Variants in AKAP13 observed in about 807,000 individuals in gnomAD.
The protein encoded by AKAP13 is A-kinase anchor protein 13.
A neutral mutation model predicts 264.5 loss-of-function variants in AKAP13; 80 were observed. The observed-to-expected ratio is 0.30, with a 90% CI of 0.25 to 0.36. The LOEUF (loss-of-function observed/expected upper bound fraction) is 0.36. Ranked by LOEUF, AKAP13 falls within the 10% of genes least tolerant of loss-of-function variation. AKAP13 has a pLI of 1.00. For synonymous variants in AKAP13, 1,380 were observed against 1,250.2 expected (o/e 1.10, Z -2.19); for missense variants, 3,712 against 3,435.2 (o/e 1.08, Z -2.01).
At chr15:85,557,792 A>C (rs1194084940) in intron 5 of AKAP13, among the ~76,000 whole-genome samples, 2 of 152,212 alleles carry the variant, frequency 1.3e-5, no homozygotes, top group African/African-American at 4.8e-5. Context: ...CCTCTTTAGA[A>C]CATGACTGTT....
chr15:85,603,303 G>A (rs984117759), intron 8 of AKAP13, among the ~76,000 whole-genome samples: 2 of 152,230 alleles, frequency 1.3e-5, no homozygotes, highest in African/African-American at 4.8e-5. Context: ...TGTACTCAGA[G>A]TATGGCAGTG....
rs1484551796 is a variant in AKAP13 at position 85,748,229 on chromosome 15, G to A, written c.*3552G>A. ...GAGGACAGCCAGGCAGGCCCTGGGA[G>A]GGAGTTTAGAAAGACAGTCCTGGTG... On this transcript the variant is annotated 3_prime_UTR_variant, in exon 37 of 37. Coordinates refer to ENST00000394518, the MANE Select transcript of AKAP13 (RefSeq NM_007200.5). 6.6e-6 allele frequency: 1 copy of A among 152,308 alleles called. No homozygotes were observed. Among genetic ancestry groups the A allele is most frequent in the Non-Finnish European group, 1.5e-5 (1 of 68,122 alleles). The allele number at this position is 152,308 out of a possible 1,614,324, so 9.4% of individuals were successfully genotyped here.
chr15:85,698,482 AGG>A (rs1223313006), intron 17 of AKAP13, among the ~76,000 whole-genome samples: 7 of 149,524 alleles, frequency 4.7e-5, no homozygotes, highest in East Asian at 2.0e-4. Context: ...AAAAAAAAAA[AGG>A]AGAGAGAGAA....
At chr15:85,447,635 T>TAG (rs1227744835) in intron 1 of AKAP13, among the ~76,000 whole-genome samples, 1 of 152,210 alleles carries the variant, frequency 6.6e-6, no homozygotes, top group Non-Finnish European at 1.5e-5. Flanking sequence ...GATTTTCTGT[T>TAG]CTTGTGTTAA....
At chr15:85,539,625 A>G (rs1214647704) in intron 4 of AKAP13, among the ~76,000 whole-genome samples, 1 of 152,206 alleles carries the variant, frequency 6.6e-6, no homozygotes, top group Non-Finnish European at 1.5e-5. Flanking sequence ...CAGGCTCATC[A>G]TGCTTGAATG....
At chr15:85,575,010 A>AT in intron 5 of AKAP13, 121 bp from the exon 6 acceptor site, 1 of 832,314 alleles carries the variant, frequency 1.2e-6, no homozygotes, top group Non-Finnish European at 1.9e-6. Context: ...TATATATACT[A>AT]ATTTTTGCTG....
chr15:85,662,981 T>C (rs1000326705), intron 12 of AKAP13, among the ~76,000 whole-genome samples: 6 of 152,202 alleles, frequency 3.9e-5, no homozygotes, highest in Admixed American at 3.3e-4. Flanking sequence ...AATTTCTTCT[T>C]CACTTAGCCC....
chr15:85,391,930 A>G (rs796471144), intron 1 of AKAP13, among the ~76,000 whole-genome samples: 24 of 151,144 alleles, frequency 1.6e-4, no homozygotes, highest in African/African-American at 5.3e-4. Flanking sequence ...GACTGTAGGC[A>G]TGTGCCACCA....
In AKAP13 at chr15:85,743,713, G is replaced by C. The variant is rs2089225367; in HGVS notation, c.8280G>C (p.Gln2760His). ...AGACAAACAAAGGACCAGAAGGGCA[G>C]AGCCAGGCCCCTGCGTCCACCTCTG... is the stretch of plus-strand genomic sequence containing the variant. ...TSQTNKGPEG[Q>H]SQAPASTSAS... is the part of the protein sequence containing the mutation. The change falls in exon 36 of 37, where the codon CAG (glutamine) becomes CAC (histidine). Residue 2760 changes from glutamine to histidine, a missense_variant. Gln to His is a conservative substitution (Grantham distance 24, BLOSUM62 0). This residue lies in a region of AKAP13 where 611 missense variants were observed against 539.3 expected (regional missense o/e 1.13). Transcript: ENST00000394518. 6.2e-7 allele frequency: 1 copy of C among 1,614,042 alleles called. No individual in the cohort carries two copies. Among genetic ancestry groups the C allele is most frequent in the South Asian group, 1.1e-5 (1 of 91,082 alleles).
chr15:85,617,509 G>C (rs1412870066), intron 8 of AKAP13, among the ~76,000 whole-genome samples: 1 of 152,118 alleles, frequency 6.6e-6, no homozygotes, highest in African/African-American at 2.4e-5. Context: ...CAAAGTGTTG[G>C]GATTACAGGC....
chr15:85,728,841 A>AT (rs201984026), intron 29 of AKAP13, among the ~76,000 whole-genome samples: 1 of 151,532 alleles, frequency 6.6e-6, no homozygotes, highest in African/African-American at 2.4e-5. Context: ...GACTCATGTA[A>AT]TTAAAAAAAA....
At position 85,717,255 on chromosome 15, in the gene AKAP13, G is replaced by A. The variant is rs375618100; in HGVS notation, c.5736-35G>A. ...AATGCAAGCCATAGGTTATCAGAAT[G>A]TATTTGACAGTATGTATTTTTCTTT... On this transcript the variant is annotated intron_variant, in intron 20 of 36. Transcript: ENST00000394518. The A allele has an allele frequency of 4.6e-5, 63 of 1,360,896 alleles. 1 individual carries two copies. In the African/African-American group the frequency reaches 7.7e-4, roughly 17 times the overall value. 84.3% of individuals were successfully genotyped at this position (1,360,896 alleles called of 1,614,324 possible). A position where few individuals can be genotyped will look rare whatever the true frequency, so the allele number is the denominator to read the frequency against.
At chr15:85,606,533 G>A (rs1371563782) in intron 8 of AKAP13, among the ~76,000 whole-genome samples, 3 of 152,180 alleles carry the variant, frequency 2.0e-5, no homozygotes, top group African/African-American at 7.2e-5. Context: ...CTTGTTCCAC[G>A]AGACTTGTAC....
intron 5 of AKAP13, among the ~76,000 whole-genome samples, chr15:85,572,251 T>G (rs1353154740): frequency 6.6e-6 from 1 of 152,188 alleles, no homozygotes; most frequent in Non-Finnish European, 1.5e-5. Context: ...TTTTCAGAGA[T>G]CTTTTTTGTT....
intron 1 of AKAP13, among the ~76,000 whole-genome samples, chr15:85,431,234 T>C (rs932235132): frequency 5.9e-5 from 9 of 152,198 alleles, no homozygotes; most frequent in Non-Finnish European, 1.3e-4. Context: ...TTGCTATAAA[T>C]TGAGGAACAA....
Position 85,740,218 on chromosome 15 carries a change from G to A in AKAP13, c.7558-4G>A. ...CGAATGTTTCCATTTTGTTCCTTTG[G>A]CAGCAGGTTGTCCAGAGCGTTGTTC... On this transcript the variant is annotated splice_region_variant and splice_polypyrimidine_tract_variant and intron_variant, in intron 33 of 36. Transcript: ENST00000394518. 6.2e-7 allele frequency: 1 copy of A among 1,614,082 alleles called. No homozygotes were observed. The highest frequency in any genetic ancestry group is 8.5e-7 in the Non-Finnish European group (1 of 1,179,972).
In AKAP13 at chr15:85,746,973, T is replaced by C. The variant is rs1040574377; in HGVS notation, c.*2296T>C. ...ACGTCGCCACAGAGCTTGACATCAA[T>C]GTTAGAGGGTCTCTTACTCCCCGCC... On this transcript the variant is annotated 3_prime_UTR_variant, in exon 37 of 37. Transcript: ENST00000394518. 6.6e-6 allele frequency: 1 copy of C among 152,242 alleles called. No homozygotes were observed. Among genetic ancestry groups the C allele is most frequent in the Non-Finnish European group, 1.5e-5 (1 of 68,036 alleles). 9.4% of individuals were successfully genotyped at this position (152,242 alleles called of 1,614,324 possible).
chr15:85,450,877 G>T (rs903546244), intron 1 of AKAP13, among the ~76,000 whole-genome samples: 1 of 152,136 alleles, frequency 6.6e-6, no homozygotes, highest in Non-Finnish European at 1.5e-5. Context: ...AGATCCATTT[G>T]GTTCAACGCT....
chr15:85,629,089 C>CA (rs1279490393), intron 8 of AKAP13, among the ~76,000 whole-genome samples: 1 of 152,012 alleles, frequency 6.6e-6, no homozygotes, highest in East Asian at 1.9e-4. Context: ...CCTAGCTACC[C>CA]AGGAGGCTGA....
Sources: allele counts gnomAD v4.1 joint callset (sites outside exome capture counted in the v4.1 genomes callset), GRCh38; gene constraint gnomAD v4.1.1; regional missense constraint gnomAD v4.1.1; transcripts MANE v1.5; gene names NCBI Gene and HGNC (gene_info 2026-07-23, HGNC 2026-07-21).